CHSY3: variants seen among roughly 807,000 people sequenced by gnomAD.
CHSY3 encodes the protein chondroitin sulfate synthase 3.
Under a neutral mutation model 67.2 loss-of-function variants are expected in CHSY3, and 35 were observed. That is an observed-to-expected ratio of 0.52 (90% CI 0.40 to 0.69). The LOEUF (loss-of-function observed/expected upper bound fraction) is 0.69. CHSY3 is among the 30% of genes least tolerant of loss of function. The probability of loss-of-function intolerance (pLI) is 0.00; values close to 1 mark genes in which losing one functional copy is unlikely to be tolerated. For missense variants in CHSY3, 1,069 were observed against 1,138.5 expected, an observed-to-expected ratio of 0.94 and a Z score of 0.88; for synonymous variants, 474 against 434.7, an observed-to-expected ratio of 1.09 and a Z score of -1.12.
rs1186530405 is a variant in CHSY3, at chr5:130,119,501, G to A, written c.1087-64728G>A. Among the ~76,000 whole-genome samples, 3 of 152,048 alleles carry A rather than the reference G, an allele frequency of 2.0e-5. No individual in the cohort carries two copies. The East Asian group carries it at 5.8e-4, about 29-fold the overall frequency. ...TTGAGGGGCCTCAGGTCGCAGGGAG[G>A]AGCTCCCCATGGCCACTTTTTCCCT... is the stretch of plus-strand genomic sequence containing the variant. On this transcript the variant is annotated intron_variant, in intron 2 of 2. Transcript: ENST00000305031.
At chr5:130,162,379 A>G (rs1769581499) in intron 2 of CHSY3, among the ~76,000 whole-genome samples, 1 of 152,226 alleles carries the variant, frequency 6.6e-6, no homozygotes, top group Admixed American at 6.5e-5. Flanking sequence ...TAAAAAAATG[A>G]GAAGACTGAC....
chr5:129,954,213 C>G (rs936339542), intron 2 of CHSY3, among the ~76,000 whole-genome samples: 3 of 152,116 alleles, frequency 2.0e-5, no homozygotes, highest in African/African-American at 7.2e-5. Flanking sequence ...ACCAGTTTTC[C>G]CAACACCAGT....
chr5:130,132,195 C>T (rs576433277), intron 2 of CHSY3, among the ~76,000 whole-genome samples: 3 of 152,296 alleles, frequency 2.0e-5, no homozygotes, highest in African/African-American at 7.2e-5. Flanking sequence ...CAGAGTGTCT[C>T]ATAGCAAGCA....
chr5:129,930,510 G>GC (rs1212431326), intron 2 of CHSY3, among the ~76,000 whole-genome samples: 10 of 145,128 alleles, frequency 6.9e-5, no homozygotes, highest in African/African-American at 2.6e-4. Context: ...ATCACTGGCG[G>GC]GGGGGGGGTA....
intron 2 of CHSY3, among the ~76,000 whole-genome samples, chr5:130,039,259 C>T (rs981136176): frequency 5.3e-5 from 8 of 151,914 alleles, no homozygotes. Context: ...GACCAAGGCA[C>T]GAGGATTGCT....
At chr5:130,126,061 T>C (rs1768274503) in intron 2 of CHSY3, among the ~76,000 whole-genome samples, 1 of 152,214 alleles carries the variant, frequency 6.6e-6, no homozygotes, top group East Asian at 1.9e-4. Flanking sequence ...TATATACTTT[T>C]TTATTGCTCC....
At chr5:130,155,242 A>G (rs571337553) in intron 2 of CHSY3, among the ~76,000 whole-genome samples, 180 of 152,308 alleles carry the variant, frequency 1.2e-3, no homozygotes, top group Non-Finnish European at 1.8e-3. Context: ...TAAACGTGGG[A>G]CCTTTACATA....
intron 2 of CHSY3, among the ~76,000 whole-genome samples, chr5:130,040,504 T>G (rs1291156400): frequency 6.6e-6 from 1 of 152,156 alleles, no homozygotes. Flanking sequence ...CCATATTTAA[T>G]TTTGAGGAGA....
At chr5:129,963,440 T>C (rs1033728296) in intron 2 of CHSY3, among the ~76,000 whole-genome samples, 4 of 152,000 alleles carry the variant, frequency 2.6e-5, no homozygotes, top group African/African-American at 9.7e-5. Flanking sequence ...TTTCTGTGCT[T>C]CCCCTCATGG....
intron 2 of CHSY3, among the ~76,000 whole-genome samples, chr5:130,050,676 CTAGATAAGAACCTGTCT>C (rs1369849429): frequency 6.6e-6 from 1 of 151,998 alleles, no homozygotes; most frequent in Non-Finnish European, 1.5e-5. Flanking sequence ...GGTTCAAGTT[CTAGATAAGAACCTGTCT>C]TAGCCATCAA....
intron 2 of CHSY3, among the ~76,000 whole-genome samples, chr5:130,012,653 A>T (rs745549079): frequency 9.2e-5 from 14 of 152,154 alleles, no homozygotes; most frequent in Admixed American, 2.6e-4. Flanking sequence ...ATTTGCTATC[A>T]TGAGAACACC....
At chr5:130,074,075 T>C (rs1766175662) in intron 2 of CHSY3, among the ~76,000 whole-genome samples, 1 of 148,162 alleles carries the variant, frequency 6.7e-6, no homozygotes, top group African/African-American at 2.7e-5. Context: ...TTTTTTTGTT[T>C]TTTGTTTTTT....
chr5:130,146,541 G>C (rs1468809521), intron 2 of CHSY3, among the ~76,000 whole-genome samples: 4 of 152,084 alleles, frequency 2.6e-5, no homozygotes, highest in Admixed American at 2.0e-4. Context: ...CTATTATACA[G>C]TAGAGTTAAC....
intron 2 of CHSY3, among the ~76,000 whole-genome samples, chr5:129,996,980 A>G (rs1440323275): frequency 6.6e-6 from 1 of 152,188 alleles, no homozygotes; most frequent in Non-Finnish European, 1.5e-5. Flanking sequence ...GAATGAATCC[A>G]TATAAAGACC....
chr5:130,068,037 T>C (rs546855343), intron 2 of CHSY3, among the ~76,000 whole-genome samples: 2 of 152,304 alleles, frequency 1.3e-5, no homozygotes, highest in African/African-American at 4.8e-5. Context: ...AAATATGTAT[T>C]ACATGTAACT....
intron 2 of CHSY3, among the ~76,000 whole-genome samples, chr5:130,106,833 C>G (rs927583145): frequency 5.9e-5 from 9 of 151,444 alleles, no homozygotes; most frequent in African/African-American, 2.2e-4. Flanking sequence ...GGAAATTAGG[C>G]CAGTTAGAAA....
intron 2 of CHSY3, among the ~76,000 whole-genome samples, chr5:130,030,461 G>A (rs1263330106): frequency 6.6e-6 from 1 of 152,016 alleles, no homozygotes; most frequent in Non-Finnish European, 1.5e-5. Context: ...GTATTTTGAG[G>A]TTAATTTTCC....
chr5:130,174,467 A>G (rs375426206), intron 2 of CHSY3, among the ~76,000 whole-genome samples: 1 of 152,242 alleles, frequency 6.6e-6, no homozygotes, highest in South Asian at 2.1e-4. Context: ...TTCAACAGAG[A>G]TAATTTAGTT....
At chr5:130,069,553 A>AT (rs1765994238) in intron 2 of CHSY3, among the ~76,000 whole-genome samples, 1 of 151,994 alleles carries the variant, frequency 6.6e-6, no homozygotes, top group South Asian at 2.1e-4. Context: ...TCACATAATT[A>AT]TTTTTTTGAC....
Sources: gnomAD v4.1 joint callset for allele counts (sites outside exome capture counted in the v4.1 genomes callset) on GRCh38, gnomAD v4.1.1 for gene constraint, MANE v1.5 for transcripts, NCBI Gene and HGNC (gene_info 2026-07-23, HGNC 2026-07-21) for gene names.